Variants in CCSER1 observed in about 807,000 individuals in gnomAD.
The protein encoded by CCSER1 is serine-rich coiled-coil domain-containing protein 1.
A neutral mutation model predicts 82.0 loss-of-function variants in CCSER1; 41 were observed. The observed-to-expected ratio is 0.50, with a 90% confidence interval of 0.39 to 0.65. The LOEUF (loss-of-function observed/expected upper bound fraction) is 0.65, where lower values mean the gene tolerates loss of function less well. Ranked by LOEUF, CCSER1 falls within the 30% of genes least tolerant of loss-of-function variation. The probability of loss-of-function intolerance (pLI) is 0.00; values close to 1 mark genes in which losing one functional copy is unlikely to be tolerated. For synonymous variants in CCSER1, 414 were observed against 383.9 expected, an observed-to-expected ratio of 1.08 and a Z score of -0.92; for missense variants, 1,119 against 1,064.2, an observed-to-expected ratio of 1.05 and a Z score of -0.72.
chr4:90,313,088 G>C (rs988725409), intron 3 of CCSER1, 41 bp downstream of exon 3: 5 of 1,434,678 alleles, frequency 3.5e-6, no homozygotes, highest in South Asian at 1.2e-5. Context: ...AAATAATGCT[G>C]TCTATATCCG....
chr4:91,450,120 T>G (rs1755792053), intron 10 of CCSER1, among the ~76,000 whole-genome samples: 1 of 152,082 alleles, frequency 6.6e-6, no homozygotes, highest in Admixed American at 6.6e-5. Flanking sequence ...TGGAGATTTG[T>G]TTTTATACAG....
intron 6 of CCSER1, among the ~76,000 whole-genome samples, chr4:90,688,578 G>C (rs1038061586): frequency 6.6e-6 from 1 of 151,960 alleles, no homozygotes; most frequent in African/African-American, 2.4e-5. Context: ...TCTCAGTGTA[G>C]TAAAAAGACC....
At chr4:90,162,752 A>G (rs1052402978) in intron 1 of CCSER1, among the ~76,000 whole-genome samples, 29 of 152,092 alleles carry the variant, frequency 1.9e-4, no homozygotes, top group Non-Finnish European at 3.7e-4. Flanking sequence ...GTGACCAAAA[A>G]AAATTCATTT....
intron 10 of CCSER1, among the ~76,000 whole-genome samples, chr4:91,471,458 T>C (rs1578548859): frequency 6.6e-6 from 1 of 152,262 alleles, no homozygotes; most frequent in East Asian, 1.9e-4. Context: ...CCAGCCGCGC[T>C]GGATGGATCT....
intron 9 of CCSER1, among the ~76,000 whole-genome samples, chr4:90,984,977 G>A (rs976806720): frequency 2.6e-5 from 4 of 151,698 alleles, no homozygotes; most frequent in Non-Finnish European, 5.9e-5. Flanking sequence ...GCTAAGTGAA[G>A]CTGAAGGCTC....
At chr4:90,549,319 A>C (rs1272903658) in intron 5 of CCSER1, among the ~76,000 whole-genome samples, 1 of 152,194 alleles carries the variant, frequency 6.6e-6, no homozygotes, top group Non-Finnish European at 1.5e-5. Context: ...CTCCTCTTTC[A>C]ACAAACTTTA....
intron 1 of CCSER1, among the ~76,000 whole-genome samples, chr4:90,171,451 T>C (rs1054833411): frequency 6.6e-6 from 1 of 151,962 alleles, no homozygotes; most frequent in Non-Finnish European, 1.5e-5. Flanking sequence ...TTTTGCCTAT[T>C]ATATATCATT....
chr4:90,659,822 T>A (rs975631805), intron 6 of CCSER1, among the ~76,000 whole-genome samples: 1 of 152,116 alleles, frequency 6.6e-6, no homozygotes, highest in African/African-American at 2.4e-5. Context: ...CTTGGGATTC[T>A]GACTGGTGTA....
intron 10 of CCSER1, among the ~76,000 whole-genome samples, chr4:91,166,286 C>G (rs1732067945): frequency 6.6e-6 from 1 of 152,058 alleles, no homozygotes; most frequent in South Asian, 2.1e-4. Context: ...ATTTATTATT[C>G]CATTTGTTCA....
chr4:90,406,204 G>C (rs1004454119), intron 4 of CCSER1, among the ~76,000 whole-genome samples: 2 of 152,082 alleles, frequency 1.3e-5, no homozygotes, highest in African/African-American at 4.8e-5. Context: ...AATTGAGCAG[G>C]AGTAGCTATT....
At chr4:90,660,960 G>T (rs1413972664) in intron 6 of CCSER1, among the ~76,000 whole-genome samples, 1 of 152,008 alleles carries the variant, frequency 6.6e-6, no homozygotes, top group African/African-American at 2.4e-5. Context: ...TTGGCACATA[G>T]TGCTCAATAA....
intron 1 of CCSER1, among the ~76,000 whole-genome samples, chr4:90,237,893 G>A (rs1746094400): frequency 6.6e-6 from 1 of 152,182 alleles, no homozygotes; most frequent in Non-Finnish European, 1.5e-5. Flanking sequence ...CCTGAGAATA[G>A]GTTTAGTGTA....
Position 91,496,630 on chromosome 4 carries a change from GAATATATATATATTC to G in CCSER1, c.2218-101932_2218-101918del, listed in dbSNP as rs1560716438. Among the ~76,000 whole-genome samples the G allele has an allele frequency of 3.3e-3, 66 of 19,998 alleles. 31 individuals carry two copies. Among genetic ancestry groups the G allele is most frequent in the Admixed American group, 0.013 (25 of 1,870 alleles). The allele number at this position is 19,998 out of a possible 152,430, so 13.1% of individuals were successfully genotyped here. Reference sequence around the variant, plus strand: ...TATATATATACACGAATATATATTTGAATATATATATATTCAATATATATTGAATATATATATATT... The same window carrying G: ...TATATATATACACGAATATATATTTGAATATATATTGAATATATATATATT... On this transcript the variant is annotated intron_variant, in intron 10 of 10. Coordinates refer to ENST00000509176, the MANE Select transcript of CCSER1 (RefSeq NM_001145065.2).
intron 5 of CCSER1, among the ~76,000 whole-genome samples, chr4:90,561,954 G>A (rs908629790): frequency 6.6e-6 from 1 of 152,060 alleles, no homozygotes; most frequent in Non-Finnish European, 1.5e-5. Flanking sequence ...TTGGGAGGCT[G>A]AAGCGGGAAG....
At chr4:90,841,574 T>G (rs1762575181) in intron 8 of CCSER1, among the ~76,000 whole-genome samples, 1 of 131,518 alleles carries the variant, frequency 7.6e-6, no homozygotes, top group Non-Finnish European at 1.6e-5. Context: ...CGAGACTCTG[T>G]CTCAAAAAAA....
At chr4:91,508,381 A>C (rs543913673) in intron 10 of CCSER1, among the ~76,000 whole-genome samples, 7 of 151,652 alleles carry the variant, frequency 4.6e-5, no homozygotes, top group Non-Finnish European at 5.9e-5. Context: ...ACCTCCTTTC[A>C]TCCATTAATA....
At chr4:91,249,273 T>A (rs73836895) in intron 10 of CCSER1, among the ~76,000 whole-genome samples, 5,951 of 152,264 alleles carry the variant, frequency 0.039, 161 homozygotes, top group African/African-American at 0.074. Flanking sequence ...GACAGTACTA[T>A]TATTTTAACC....
At chr4:90,634,451 T>A (rs1037432277) in intron 6 of CCSER1, among the ~76,000 whole-genome samples, 1 of 151,864 alleles carries the variant, frequency 6.6e-6, no homozygotes, top group East Asian at 1.9e-4. Flanking sequence ...TTTGGTTTTT[T>A]TTCAGCGTAA....
At chr4:90,863,909 A>T (rs953815275) in intron 8 of CCSER1, among the ~76,000 whole-genome samples, 2 of 151,590 alleles carry the variant, frequency 1.3e-5, no homozygotes, top group African/African-American at 4.8e-5. Context: ...TCTCATCTGG[A>T]TCAGATTTTT....
Sources: allele counts gnomAD v4.1 joint callset (sites outside exome capture counted in the v4.1 genomes callset), GRCh38; gene constraint gnomAD v4.1.1; transcripts MANE v1.5; gene names NCBI Gene and HGNC (gene_info 2026-07-23, HGNC 2026-07-21).